ACOX1: variants seen among roughly 807,000 people sequenced by gnomAD.
The protein encoded by ACOX1 is acyl-CoA oxidase 1, also known as peroxisomal acyl-coenzyme A oxidase 1.
In ACOX1, 41 loss-of-function variants were observed where a neutral mutation model predicts 75.5. The ratio of observed to expected loss-of-function variants is 0.54; its 90% confidence interval spans 0.42 to 0.70. ACOX1 has a LOEUF of 0.70. Among genes scored for constraint, ACOX1 ranks in the 30% least tolerant of loss-of-function variants. The pLI is 0.00. For missense variants in ACOX1, 630 were observed against 837.5 expected, an observed-to-expected ratio of 0.75 and a Z score of 3.06; for synonymous variants, 303 against 298.8, an observed-to-expected ratio of 1.01 and a Z score of -0.15.
chr17:75,947,860 C>T (rs927951927), intron 13 of ACOX1, among the ~76,000 whole-genome samples: 1 of 151,816 alleles, frequency 6.6e-6, no homozygotes, highest in East Asian at 1.9e-4. Context: ...GGACTACAGC[C>T]GTGCACCATT....
At chr17:75,947,723 T>C (rs1371176127) in intron 13 of ACOX1, among the ~76,000 whole-genome samples, 2 of 151,224 alleles carry the variant, frequency 1.3e-5, no homozygotes, top group African/African-American at 4.9e-5. Context: ...TTTTTTTTTT[T>C]TTTGAGACAG....
At chr17:75,956,930 T>TCC (rs2065830559) in intron 4 of ACOX1, among the ~76,000 whole-genome samples, 1 of 29,400 alleles carries the variant, frequency 3.4e-5, no homozygotes. Context: ...TCTCTCTCTC[T>TCC]CTCTCTCTCT....
rs544682664 is a variant in ACOX1, at chr17:75,969,064, C to T, written c.270-8689G>A. Reference sequence around the variant, plus strand: ...GTTTCAGGAAAAGCCTCAAACTATGCAGCAAAAGCTCTAAAATGCTCATGT... The same window carrying T: ...GTTTCAGGAAAAGCCTCAAACTATGTAGCAAAAGCTCTAAAATGCTCATGT... On this transcript the variant is annotated intron_variant, in intron 2 of 13. Coordinates refer to ENST00000293217, the MANE Select transcript of ACOX1 (RefSeq NM_004035.7). Among the ~76,000 whole-genome samples the T allele has an allele frequency of 5.3e-5, 8 of 152,296 alleles. No individual in the cohort carries two copies. In the East Asian group the frequency reaches 1.3e-3, roughly 26 times the overall value.
Position 75,944,765 on chromosome 17 carries a change from A to T in ACOX1, c.*1983T>A, listed in dbSNP as rs2065704670. 6.6e-6 allele frequency: 1 copy of T among 151,998 alleles called. No homozygotes were observed. Among genetic ancestry groups the T allele is most frequent in the Non-Finnish European group, 1.5e-5 (1 of 67,994 alleles). The allele number at this position is 151,998 out of a possible 1,614,324, so 9.4% of individuals were successfully genotyped here. On this transcript the variant is annotated 3_prime_UTR_variant, in exon 14 of 14. Coordinates refer to ENST00000293217, the MANE Select transcript of ACOX1 (RefSeq NM_004035.7). ...GATTTAGATTTTTTTTTTGAGACGGAGTCTCGCTCAGCCACCCAGGCTGCA... is the reference window on the plus strand; with the variant it reads ...GATTTAGATTTTTTTTTTGAGACGGTGTCTCGCTCAGCCACCCAGGCTGCA...
Position 75,943,812 on chromosome 17 carries a change from C to G in ACOX1, c.*2936G>C, listed in dbSNP as rs1202642890. ...CAAACACTTGGGCAAGAAGAAAATCCATTGCAAATAGCCAACACATTTCTA... is the reference window on the plus strand; with the variant it reads ...CAAACACTTGGGCAAGAAGAAAATCGATTGCAAATAGCCAACACATTTCTA... On this transcript the variant is annotated 3_prime_UTR_variant, in exon 14 of 14. Coordinates refer to ENST00000293217, the MANE Select transcript of ACOX1 (RefSeq NM_004035.7). The G allele has an allele frequency of 2.0e-5, 3 of 152,144 alleles. No homozygotes were observed. Among genetic ancestry groups the G allele is most frequent in the African/African-American group, 7.2e-5 (3 of 41,422 alleles). 9.4% of individuals were successfully genotyped at this position (152,144 alleles called of 1,614,324 possible). A position where few individuals can be genotyped will look rare whatever the true frequency, so the allele number is the denominator to read the frequency against.
chr17:75,978,169 A>G lies in ACOX1; in HGVS notation c.269+365T>C, dbSNP rs1458855355. On this transcript the variant is annotated intron_variant, in intron 2 of 13. Coordinates refer to ENST00000293217, the MANE Select transcript of ACOX1 (RefSeq NM_004035.7). The surrounding 1 kb of genome is among the most constrained non-coding windows in gnomAD (Gnocchi z 4.2). ...GAGTGCAGTGGCGCGATCTCGGCTC[A>G]CTGCAAGCTCCGCCTCCCTAGTTCA... is the stretch of plus-strand genomic sequence containing the variant. 6.6e-6 allele frequency among the ~76,000 whole-genome samples: 1 copy of G among 152,024 alleles called. No homozygotes were observed. The highest frequency in any genetic ancestry group is 6.6e-5 in the Admixed American group (1 of 15,248).
At chr17:75,967,081 C>CAA (rs779169341) in intron 2 of ACOX1, among the ~76,000 whole-genome samples, 1 of 131,534 alleles carries the variant, frequency 7.6e-6, no homozygotes, top group African/African-American at 2.8e-5. Flanking sequence ...AAAAGAAGTA[C>CAA]AAAAAAAAAA....
chr17:75,978,125 C>T lies in ACOX1; in HGVS notation c.269+409G>A, dbSNP rs2066073133. Among the ~76,000 whole-genome samples, 1 of 148,990 alleles carries T rather than the reference C, an allele frequency of 6.7e-6. No homozygotes were observed. The highest frequency in any genetic ancestry group is 1.5e-5 in the Non-Finnish European group (1 of 67,128). On this transcript the variant is annotated intron_variant, in intron 2 of 13. Transcript: ENST00000293217. The surrounding 1 kb of genome is among the most constrained non-coding windows in gnomAD (Gnocchi z 4.2). ...TTATTTATTTTTTGAGATGGAGTCT[C>T]GCACTCTTGCCCAGGCTGGAGTGCA... is the stretch of plus-strand genomic sequence containing the variant.
At chr17:75,957,672 AC>A (rs1229926293) in intron 3 of ACOX1, 106 bp from the exon 4 acceptor site, 2 of 780,264 alleles carry the variant, frequency 2.6e-6, no homozygotes, top group Non-Finnish European at 4.3e-6. Context: ...TCAGAGAAAA[AC>A]AAAATCTAAC....
At position 75,955,552 on chromosome 17, in the gene ACOX1, C is replaced by G. The variant is rs1233896324; in HGVS notation, c.774+14G>C. On this transcript the variant is annotated intron_variant, in intron 6 of 13. Transcript: ENST00000293217. ...CTGTTTGATGCCTCTGCTTTATTTT[C>G]TATCAAAACATACCTGGGCATACTT... is the stretch of plus-strand genomic sequence containing the variant. The G allele has an allele frequency of 6.2e-7, 1 of 1,608,432 alleles. No homozygotes were observed. The highest frequency in any genetic ancestry group is 2.2e-5 in the East Asian group (1 of 44,856).
At position 75,948,457 on chromosome 17, in the gene ACOX1, C is replaced by T; in HGVS notation, c.1729G>A (p.Gly577Arg). 1 of 1,613,916 alleles carries T rather than the reference C, an allele frequency of 6.2e-7. No individual in the cohort carries two copies. The highest frequency in any genetic ancestry group is 1.1e-5 in the South Asian group (1 of 91,058). Reference protein sequence around the residue: ...ISQNAGDFLQGSIMTEPQITQ... With the variant: ...ISQNAGDFLQRSIMTEPQITQ... ...ATCTGAGGCTCTGTCATGATGCTCC[C>T]CTAAAAGAGACCAAAATAAGTAAAT... The change falls in exon 13 of 14, where the codon GGG becomes AGG. Residue 577 changes from glycine (G) to arginine (R), a missense_variant and splice_region_variant. Coordinates refer to ENST00000293217, the MANE Select transcript of ACOX1 (RefSeq NM_004035.7).
In ACOX1 at chr17:75,950,166, G is replaced by C. The variant is rs2065761266; in HGVS notation, c.1299-269C>G. On this transcript the variant is annotated intron_variant, in intron 9 of 13. Coordinates refer to ENST00000293217, the MANE Select transcript of ACOX1 (RefSeq NM_004035.7). This position sits in a 1 kb window ranked among gnomAD's most constrained non-coding sequence, Gnocchi z 4.3. Reference sequence around the variant, plus strand: ...AGGGTTTTACCATGTTGGCCAGGCTGGTCTCTTAACTCCTGACCTCAAGTG... The same window carrying C: ...AGGGTTTTACCATGTTGGCCAGGCTCGTCTCTTAACTCCTGACCTCAAGTG... Among the ~76,000 whole-genome samples, 1 of 151,670 alleles carries C rather than the reference G, an allele frequency of 6.6e-6. No individual in the cohort carries two copies. Among genetic ancestry groups the C allele is most frequent in the Non-Finnish European group, 1.5e-5 (1 of 67,994 alleles).
At chr17:75,961,978 A>T (rs1167763411) in intron 2 of ACOX1, among the ~76,000 whole-genome samples, 1 of 152,098 alleles carries the variant, frequency 6.6e-6, no homozygotes, top group Non-Finnish European at 1.5e-5. Flanking sequence ...TATGACCCCC[A>T]GATTATAGTT....
chr17:75,960,523 C>A lies in ACOX1; in HGVS notation c.270-148G>T. On this transcript the variant is annotated intron_variant, in intron 2 of 13. Transcript: ENST00000293217. The surrounding 1 kb of genome is among the most constrained non-coding windows in gnomAD (Gnocchi z 4.4). Reference sequence around the variant, plus strand: ...CTTAATCATAGATGGGAGCACTGTCCCTTTCTGTATTACTTTATAGCTCTT... The same window carrying A: ...CTTAATCATAGATGGGAGCACTGTCACTTTCTGTATTACTTTATAGCTCTT... 1 of 809,936 alleles carries A rather than the reference C, an allele frequency of 1.2e-6. No individual in the cohort carries two copies. Among genetic ancestry groups the A allele is most frequent in the Non-Finnish European group, 2.1e-6 (1 of 487,096 alleles). 50.2% of individuals were successfully genotyped at this position (809,936 alleles called of 1,614,324 possible).
rs1412977160 is a variant in ACOX1 at position 75,949,487 on chromosome 17, C to A, written c.1584+8G>T. ...AGGGAAGGGGAAAAAGAGAGAACTA[C>A]CACTGACCTCACTTGCTCGAACAAG... On this transcript the variant is annotated splice_region_variant and intron_variant, in intron 11 of 13. Transcript: ENST00000293217. 9.9e-6 allele frequency: 16 copies of A among 1,613,788 alleles called. No homozygotes were observed. The highest frequency in any genetic ancestry group is 1.4e-5 in the Non-Finnish European group (16 of 1,179,658).
chr17:75,957,833 G>A (rs764781187), intron 3 of ACOX1, among the ~76,000 whole-genome samples: 10 of 152,132 alleles, frequency 6.6e-5, no homozygotes, highest in Non-Finnish European at 1.3e-4. Flanking sequence ...TACAGCAACT[G>A]AAAGAAAATA....
At chr17:75,949,633 T>C in intron 10 of ACOX1, 33 bp from the exon 11 acceptor site, 1 of 1,613,212 alleles carries the variant, frequency 6.2e-7, no homozygotes, top group African/African-American at 1.3e-5. Context: ...TCTGAGGAAA[T>C]GATCAACAGT....
At chr17:75,958,708 T>A (rs372333921) in intron 3 of ACOX1, among the ~76,000 whole-genome samples, 75 of 150,048 alleles carry the variant, frequency 5.0e-4, no homozygotes, top group Middle Eastern at 3.5e-3. Context: ...CTCGGGAGGC[T>A]GAGGCAGGAG....
Position 75,950,653 on chromosome 17 carries a change from G to T in ACOX1, c.1298+121C>A. On this transcript the variant is annotated intron_variant, in intron 9 of 13. Coordinates refer to ENST00000293217, the MANE Select transcript of ACOX1 (RefSeq NM_004035.7). This position sits in a 1 kb window ranked among gnomAD's most constrained non-coding sequence, Gnocchi z 4.3. Reference sequence around the variant, plus strand: ...CCGTGAGTCAGGATGGAAGGCAAAAGTATACCTTTCAGGAACAAATATATA... The same window carrying T: ...CCGTGAGTCAGGATGGAAGGCAAAATTATACCTTTCAGGAACAAATATATA... The T allele has an allele frequency of 8.7e-7, 1 of 1,150,008 alleles. No homozygotes were observed. Among genetic ancestry groups the T allele is most frequent in the Non-Finnish European group, 1.3e-6 (1 of 787,858 alleles). The allele number at this position is 1,150,008 out of a possible 1,614,324, so 71.2% of individuals were successfully genotyped here.
Sources: allele counts gnomAD v4.1 joint callset (sites outside exome capture counted in the v4.1 genomes callset), GRCh38; gene constraint gnomAD v4.1.1; non-coding constraint Gnocchi (gnomAD v3.1); transcripts MANE v1.5; gene names NCBI Gene and HGNC (gene_info 2026-07-23, HGNC 2026-07-21).